NAV2: variants seen among roughly 807,000 people sequenced by gnomAD.
NAV2 encodes helicase, APC down-regulated 1.
A neutral mutation model predicts 223.2 loss-of-function variants in NAV2; 54 were observed. The ratio of observed to expected loss-of-function variants is 0.24; its 90% CI spans 0.19 to 0.30. NAV2 has a LOEUF of 0.30. NAV2 is among the 10% of genes least tolerant of loss of function. The pLI is 1.00. For missense variants in NAV2, 2,806 were observed against 3,147.5 expected, an observed-to-expected ratio of 0.89 and a Z score of 2.60; for synonymous variants, 1,279 against 1,239.3, an observed-to-expected ratio of 1.03 and a Z score of -0.67.
chr11:19,724,331 C>T (rs2051044053), intron 1 of NAV2, among the ~76,000 whole-genome samples: 1 of 152,178 alleles, frequency 6.6e-6, no homozygotes, highest in Non-Finnish European at 1.5e-5. Flanking sequence ...ATTTTTTCCC[C>T]TCCTTCTACC....
chr11:19,794,647 C>A (rs755324895), intron 1 of NAV2, among the ~76,000 whole-genome samples: 12 of 152,122 alleles, frequency 7.9e-5, no homozygotes, highest in Non-Finnish European at 1.3e-4. Flanking sequence ...GAGTTACTTC[C>A]TTGGCTTTGT....
In NAV2 at chr11:19,993,079, T is replaced by C. The variant is rs375002666; in HGVS notation, c.2768+8832T>C. On this transcript the variant is annotated intron_variant, in intron 11 of 37. Transcript: ENST00000349880. ...CCAACTCCCCTGGTCACCCAAAGCA[T>C]AGGCCCCAATCCCAAGTCAGAATTT... Among the ~76,000 whole-genome samples, 34 of 152,324 alleles carry C rather than the reference T, an allele frequency of 2.2e-4. No homozygotes were observed. The East Asian group carries it at 6.4e-3, about 28-fold the overall frequency.
chr11:19,455,440 G>A (rs977140545), intron 1 of NAV2, among the ~76,000 whole-genome samples: 5 of 152,084 alleles, frequency 3.3e-5, no homozygotes, highest in African/African-American at 1.2e-4. Flanking sequence ...ATAGCACCCT[G>A]TAAATTCCAT....
chr11:20,043,684 C>G (rs1429299054), intron 12 of NAV2, among the ~76,000 whole-genome samples: 1 of 152,172 alleles, frequency 6.6e-6, no homozygotes, highest in Admixed American at 6.6e-5. Context: ...TCAAGTGATC[C>G]TCCCGCCTCA....
chr11:19,613,046 G>T (rs1209763838), intron 1 of NAV2, among the ~76,000 whole-genome samples: 2 of 152,192 alleles, frequency 1.3e-5, no homozygotes, highest in Non-Finnish European at 2.9e-5. Flanking sequence ...GAATGAGGAA[G>T]AAGCAAAAGC....
At chr11:19,907,554 T>C (rs2042976909) in intron 6 of NAV2, among the ~76,000 whole-genome samples, 1 of 152,016 alleles carries the variant, frequency 6.6e-6, no homozygotes, top group Non-Finnish European at 1.5e-5. Flanking sequence ...GACAGAAGTA[T>C]TGATTGAAAC....
chr11:19,437,039 C>T (rs1421196141), intron 1 of NAV2, among the ~76,000 whole-genome samples: 1 of 152,152 alleles, frequency 6.6e-6, no homozygotes. Flanking sequence ...AGTTTCACTT[C>T]TTCCTTTACT....
rs564305817 is a variant in NAV2 at position 19,971,343 on chromosome 11, G to A, written c.2646-12782G>A. ...TTTGCATAGGGTGCCTTTTCACTGTGGGATTTTATCTTAAGACTTTCTACC... is the reference window on the plus strand; with the variant it reads ...TTTGCATAGGGTGCCTTTTCACTGTAGGATTTTATCTTAAGACTTTCTACC... On this transcript the variant is annotated intron_variant, in intron 10 of 37. Transcript: ENST00000349880. Among the ~76,000 whole-genome samples, 32 of 152,202 alleles carry A rather than the reference G, an allele frequency of 2.1e-4. 1 individual carries two copies. The highest frequency in any genetic ancestry group is 7.2e-4 in the African/African-American group (30 of 41,526).
At chr11:19,830,140 T>C (rs371987734) in intron 1 of NAV2, among the ~76,000 whole-genome samples, 1 of 151,918 alleles carries the variant, frequency 6.6e-6, no homozygotes. Context: ...CAGGAGAATT[T>C]CTTGAACCCG....
intron 1 of NAV2, among the ~76,000 whole-genome samples, chr11:19,626,501 G>T (rs533816152): frequency 6.6e-6 from 1 of 152,198 alleles, no homozygotes; most frequent in African/African-American, 2.4e-5. Context: ...GGATTACTTT[G>T]GTTATTTGGG....
At chr11:19,892,715 C>T in intron 6 of NAV2, 121 bp downstream of exon 6, 3 of 1,070,044 alleles carry the variant, frequency 2.8e-6, no homozygotes, top group Admixed American at 3.1e-5. Flanking sequence ...GAATGAGTTA[C>T]AAGGACATAT....
chr11:19,624,011 G>A (rs2047087148), intron 1 of NAV2, among the ~76,000 whole-genome samples: 1 of 152,240 alleles, frequency 6.6e-6, no homozygotes, highest in Non-Finnish European at 1.5e-5. Context: ...CTGCAGGTCT[G>A]TTGGAATTTG....
chr11:19,987,671 G>A (rs12099328), intron 11 of NAV2, among the ~76,000 whole-genome samples: 25,866 of 152,162 alleles, frequency 0.17, 2,881 homozygotes, highest in African/African-American at 0.33. Flanking sequence ...GATAGAGACT[G>A]TGTCAGTTGG....
intron 1 of NAV2, among the ~76,000 whole-genome samples, chr11:19,495,188 CTT>C (rs2042754955): frequency 6.6e-6 from 1 of 152,208 alleles, no homozygotes. Flanking sequence ...TGGAAAAGCT[CTT>C]TTCATTTATG....
At chr11:19,897,221 C>T (rs563416244) in intron 6 of NAV2, among the ~76,000 whole-genome samples, 2 of 151,788 alleles carry the variant, frequency 1.3e-5, no homozygotes, top group Non-Finnish European at 2.9e-5. Flanking sequence ...CATCACACAC[C>T]GGGGCCTGTT....
At chr11:19,355,249 TTG>T (rs1435583078) in intron 1 of NAV2, among the ~76,000 whole-genome samples, 26 of 47,624 alleles carry the variant, frequency 5.5e-4, no homozygotes, top group Admixed American at 3.6e-3. Context: ...GAATTGTTGG[TTG>T]TTTTTTTTTT....
rs1371707927 is a variant in NAV2 at position 20,048,842 on chromosome 11, C to A, written c.4017C>A (p.Asp1339Glu). The A allele has an allele frequency of 3.1e-6, 5 of 1,614,208 alleles. No homozygotes were observed. Among genetic ancestry groups the A allele is most frequent in the Non-Finnish European group, 2.5e-6 (3 of 1,180,026 alleles). ...CCATGACTCAGCAAGGTAACCTAGACTCCCCGTCAGGCAGTGGCGTCCTGA... is the reference window on the plus strand; with the variant it reads ...CCATGACTCAGCAAGGTAACCTAGAATCCCCGTCAGGCAGTGGCGTCCTGA... ...HATMTQQGNLDSPSGSGVLSS... is the reference protein window; with the variant it reads ...HATMTQQGNLESPSGSGVLSS... Residue 1339 changes from aspartate (D) to glutamate (E), a missense_variant, in exon 15 of 38, where the codon GAC becomes GAA. Asp to Glu is a conservative substitution (Grantham distance 45, BLOSUM62 2). Coordinates refer to ENST00000349880, the MANE Select transcript of NAV2 (RefSeq NM_145117.5).
Position 20,055,811 on chromosome 11 carries a change from C to G in NAV2, c.4685C>G (p.Thr1562Ser), listed in dbSNP as rs1244988499. The G allele has an allele frequency of 1.9e-6, 3 of 1,614,180 alleles. No homozygotes were observed. Among genetic ancestry groups the G allele is most frequent in the Non-Finnish European group, 8.5e-7 (1 of 1,180,024 alleles). ...ACCCAGATGAGCTTGTCCAACCCGA[C>G]CATGCTGAGGACTCACAGCCTCTCC... ...TVTQMSLSNP[T>S]MLRTHSLSNA... Residue 1562 changes from threonine to serine, a missense_variant, in exon 19 of 38, where the codon ACC becomes AGC. Thr to Ser is a moderately conservative substitution (Grantham distance 58). Coordinates refer to ENST00000349880, the MANE Select transcript of NAV2 (RefSeq NM_145117.5).
At chr11:19,693,019 CCTT>C (rs2049225735) in intron 1 of NAV2, among the ~76,000 whole-genome samples, 1 of 152,260 alleles carries the variant, frequency 6.6e-6, no homozygotes, top group Non-Finnish European at 1.5e-5. Context: ...CTGACCAAGA[CCTT>C]CTCTCCAAGC....
Sources: allele counts gnomAD v4.1 joint callset (sites outside exome capture counted in the v4.1 genomes callset), GRCh38; gene constraint gnomAD v4.1.1; transcripts MANE v1.5; gene names NCBI Gene and HGNC (gene_info 2026-07-23, HGNC 2026-07-21).